MACROD2: variants seen among roughly 807,000 people sequenced by gnomAD.
The protein encoded by MACROD2 is mono-ADP ribosylhydrolase 2, also known as ADP-ribose glycohydrolase MACROD2.
In MACROD2, 36 loss-of-function variants were observed where a neutral mutation model predicts 70.4. That is an observed-to-expected ratio of 0.51 (90% confidence interval 0.39 to 0.68). The LOEUF is 0.68. MACROD2 is among the 30% of genes least tolerant of loss of function. The probability of loss-of-function intolerance (pLI) is 0.00; values close to 1 mark genes in which losing one functional copy is unlikely to be tolerated. For missense variants in MACROD2, 496 were observed against 538.4 expected, an observed-to-expected ratio of 0.92 and a Z score of 0.78; for synonymous variants, 172 against 178.8, an observed-to-expected ratio of 0.96 and a Z score of 0.30.
At chr20:15,955,298 A>T (rs1191205675) in intron 12 of MACROD2, among the ~76,000 whole-genome samples, 2 of 152,096 alleles carry the variant, frequency 1.3e-5, no homozygotes, top group African/African-American at 2.4e-5. Context: ...ATTATGGAGG[A>T]CTCTGAATAT....
intron 6 of MACROD2, among the ~76,000 whole-genome samples, chr20:15,403,465 G>A (rs903487197): frequency 3.3e-5 from 5 of 151,534 alleles, no homozygotes; most frequent in Admixed American, 6.6e-5. Flanking sequence ...GAGAGAGATT[G>A]TATTATTCAA....
intron 3 of MACROD2, among the ~76,000 whole-genome samples, chr20:14,308,684 C>G (rs989072133): frequency 6.6e-6 from 1 of 152,106 alleles, no homozygotes; most frequent in African/African-American, 2.4e-5. Context: ...CATGGAAGGC[C>G]ACCTAGATCT....
intron 8 of MACROD2, among the ~76,000 whole-genome samples, chr20:15,832,438 G>C (rs547417442): frequency 6.6e-6 from 1 of 152,148 alleles, no homozygotes; most frequent in Non-Finnish European, 1.5e-5. Context: ...AATACAGGGG[G>C]TGGTGCTGTC....
chr20:15,893,327 T>G (rs1275076185), intron 10 of MACROD2, among the ~76,000 whole-genome samples: 4 of 152,280 alleles, frequency 2.6e-5, no homozygotes, highest in African/African-American at 9.6e-5. Flanking sequence ...GGTCAAGATT[T>G]GCATGTGATG....
At chr20:15,377,268 G>C (rs2146270953) in intron 6 of MACROD2, among the ~76,000 whole-genome samples, 1 of 149,910 alleles carries the variant, frequency 6.7e-6, no homozygotes, top group Middle Eastern at 3.4e-3. Context: ...TTAGAAAACA[G>C]TTAGATTTCT....
intron 3 of MACROD2, among the ~76,000 whole-genome samples, chr20:14,161,862 G>T (rs912894600): frequency 2.6e-5 from 4 of 152,238 alleles, no homozygotes; most frequent in South Asian, 4.1e-4. Context: ...CAAAGTGCTG[G>T]GATTACAGGA....
chr20:14,771,509 AT>A (rs973985485), intron 5 of MACROD2, among the ~76,000 whole-genome samples: 1 of 151,772 alleles, frequency 6.6e-6, no homozygotes, highest in Non-Finnish European at 1.5e-5. Context: ...TTTAATTTGT[AT>A]TTTTTTCTCT....
chr20:16,020,704 C>A (rs1448552579), intron 15 of MACROD2, among the ~76,000 whole-genome samples: 1 of 151,610 alleles, frequency 6.6e-6, no homozygotes, highest in Non-Finnish European at 1.5e-5. Context: ...TTAGGTACTG[C>A]ATCTTCATTG....
chr20:15,416,542 A>G (rs1245000435), intron 6 of MACROD2, among the ~76,000 whole-genome samples: 2 of 152,182 alleles, frequency 1.3e-5, no homozygotes, highest in Admixed American at 6.5e-5. Flanking sequence ...GCAGCTGCCA[A>G]GAGGATCTCA....
At chr20:14,552,803 A>G (rs1978747614) in intron 4 of MACROD2, among the ~76,000 whole-genome samples, 1 of 152,110 alleles carries the variant, frequency 6.6e-6, no homozygotes, top group Admixed American at 6.6e-5. Flanking sequence ...GACACAAAAG[A>G]TTAAGAAATG....
intron 3 of MACROD2, among the ~76,000 whole-genome samples, chr20:14,168,203 T>G (rs1234845918): frequency 1.3e-5 from 2 of 152,178 alleles, no homozygotes. Context: ...AGTGAGTAAG[T>G]GACCTACAAA....
chr20:14,228,991 CA>C (rs11480896), intron 3 of MACROD2, among the ~76,000 whole-genome samples: 33 of 134,952 alleles, frequency 2.4e-4, no homozygotes, highest in Admixed American at 3.0e-4. Flanking sequence ...GACTCTGTCT[CA>C]AAAAAAAAAA....
At chr20:14,080,045 A>G (rs1218408359) in intron 2 of MACROD2, among the ~76,000 whole-genome samples, 2 of 152,124 alleles carry the variant, frequency 1.3e-5, no homozygotes, top group South Asian at 4.1e-4. Context: ...AGCTTAGGAT[A>G]TTTTGGGAAC....
chr20:15,228,709 C>T (rs138907185), intron 5 of MACROD2, among the ~76,000 whole-genome samples: 4,795 of 151,912 alleles, frequency 0.032, 248 homozygotes, highest in African/African-American at 0.11. Flanking sequence ...AGGATGGTCT[C>T]GATTTCCTAA....
At chr20:15,548,057 A>G (rs1187263044) in intron 8 of MACROD2, among the ~76,000 whole-genome samples, 1 of 151,948 alleles carries the variant, frequency 6.6e-6, no homozygotes, top group East Asian at 1.9e-4. Flanking sequence ...ATCTATATCC[A>G]TTTACTTATC....
intron 5 of MACROD2, among the ~76,000 whole-genome samples, chr20:14,783,607 C>T (rs148470954): frequency 2.0e-5 from 3 of 152,194 alleles, no homozygotes; most frequent in African/African-American, 7.2e-5. Flanking sequence ...TTGTAGTCAC[C>T]TGTACTGGTA....
intron 5 of MACROD2, among the ~76,000 whole-genome samples, chr20:15,087,028 C>A (rs62202807): frequency 0.12 from 18,326 of 152,016 alleles, 1,240 homozygotes; most frequent in Middle Eastern, 0.18. Flanking sequence ...CTCTTTGATA[C>A]CATAATTGTA....
At chr20:15,155,180 T>C (rs2076298348) in intron 5 of MACROD2, among the ~76,000 whole-genome samples, 1 of 152,184 alleles carries the variant, frequency 6.6e-6, no homozygotes, top group African/African-American at 2.4e-5. Context: ...CTATTCATGG[T>C]AGATAATCAA....
intron 6 of MACROD2, among the ~76,000 whole-genome samples, chr20:15,241,744 T>C (rs2077061472): frequency 7.3e-6 from 1 of 136,102 alleles, no homozygotes; most frequent in South Asian, 2.4e-4. Context: ...AAAAAATAGA[T>C]ATTTAGGGTA....
Sources: gnomAD v4.1 joint callset for allele counts (sites outside exome capture counted in the v4.1 genomes callset) on GRCh38, gnomAD v4.1.1 for gene constraint, MANE v1.5 for transcripts, NCBI Gene and HGNC (gene_info 2026-07-23, HGNC 2026-07-21) for gene names.